The following RBFOX1 variants were observed in gnomAD, a reference collection of about 807,000 sequenced individuals.
RBFOX1 encodes RNA binding protein fox-1 homolog 1.
In RBFOX1, 8 loss-of-function variants were observed where a neutral mutation model predicts 57.7. The observed-to-expected ratio is 0.14, with a 90% CI of 0.08 to 0.25. The LOEUF (loss-of-function observed/expected upper bound fraction) is 0.25, where lower values mean the gene tolerates loss of function less well. Among genes scored for constraint, RBFOX1 ranks in the 10% least tolerant of loss-of-function variants. The pLI, the probability that RBFOX1 is intolerant of heterozygous loss-of-function variation, is 1.00. For missense variants in RBFOX1, 611 were observed against 548.5 expected (o/e 1.11, Z -1.14); for synonymous variants, 326 against 222.4 (o/e 1.47, Z -4.15).
intron 14 of RBFOX1, among the ~76,000 whole-genome samples, chr16:7,697,885 C>A (rs1321282452): frequency 6.6e-6 from 1 of 152,176 alleles, no homozygotes; most frequent in African/African-American, 2.4e-5. Context: ...GATTCTTTAG[C>A]AGTTGTTCCA....
chr16:6,459,518 C>A (rs933100406), intron 2 of RBFOX1, among the ~76,000 whole-genome samples: 6 of 152,126 alleles, frequency 3.9e-5, no homozygotes, highest in Middle Eastern at 3.2e-3. Flanking sequence ...CGCTTTAGAG[C>A]TGATCAGTCA....
chr16:5,362,550 C>T (rs559352912), intron 1 of RBFOX1, among the ~76,000 whole-genome samples: 22 of 152,254 alleles, frequency 1.4e-4, no homozygotes, highest in Non-Finnish European at 1.2e-4. Flanking sequence ...TTAGTAGAGA[C>T]GGGGTTTCTC....
chr16:7,026,230 C>A (rs2040885592), intron 3 of RBFOX1, among the ~76,000 whole-genome samples: 1 of 152,140 alleles, frequency 6.6e-6, no homozygotes, highest in Non-Finnish European at 1.5e-5. Context: ...GGCAAGAGGC[C>A]AACACCCATG....
intron 1 of RBFOX1, among the ~76,000 whole-genome samples, chr16:5,408,337 A>G (rs2066919150): frequency 6.6e-6 from 1 of 152,234 alleles, no homozygotes; most frequent in South Asian, 2.1e-4. Context: ...TTCGTGTTAT[A>G]TGAATCAATA....
At chr16:5,613,872 T>G (rs1241652493) in intron 3 of RBFOX1, among the ~76,000 whole-genome samples, 3 of 152,108 alleles carry the variant, frequency 2.0e-5, no homozygotes, top group Non-Finnish European at 4.4e-5. Flanking sequence ...AAGTCCCTCT[T>G]TCTTCTCTGA....
chr16:7,121,906 G>A (rs917849308), intron 4 of RBFOX1, among the ~76,000 whole-genome samples: 3 of 151,234 alleles, frequency 2.0e-5, no homozygotes, highest in Non-Finnish European at 3.0e-5. Flanking sequence ...CTTAGAAAAG[G>A]TACAAAATCA....
At chr16:7,582,022 C>T (rs1247744632) in intron 6 of RBFOX1, among the ~76,000 whole-genome samples, 1 of 53,790 alleles carries the variant, frequency 1.9e-5, no homozygotes, top group African/African-American at 8.5e-5. Context: ...TGCACCCATC[C>T]AGCACCCCCC....
At chr16:5,663,084 T>C (rs1395631679) in intron 3 of RBFOX1, among the ~76,000 whole-genome samples, 1 of 152,276 alleles carries the variant, frequency 6.6e-6, no homozygotes, top group South Asian at 2.1e-4. Flanking sequence ...GTTGCTGACA[T>C]GTGGTAGGTA....
Position 6,267,244 on chromosome 16 carries a change from A to G in RBFOX1, c.-126-49751A>G, listed in dbSNP as rs994525491. 3.9e-5 allele frequency among the ~76,000 whole-genome samples: 6 copies of G among 152,204 alleles called. No individual in the cohort carries two copies. The East Asian group carries it at 9.6e-4, about 24-fold the overall frequency. ...GTATTTGGAGTATATGGGCAGAAAA[A>G]AAACTGTCAGAGATATTAATTTAAA... On this transcript the variant is annotated intron_variant, in intron 1 of 15. Coordinates refer to ENST00000550418, the MANE Select transcript of RBFOX1 (RefSeq NM_018723.4).
chr16:6,121,154 C>A (rs1378915268), intron 1 of RBFOX1, among the ~76,000 whole-genome samples: 1 of 152,160 alleles, frequency 6.6e-6, no homozygotes, highest in Admixed American at 6.5e-5. Flanking sequence ...CCAGGCACAG[C>A]CCTGCCAACC....
intron 2 of RBFOX1, among the ~76,000 whole-genome samples, chr16:6,581,171 A>C (rs1414915621): frequency 6.6e-6 from 1 of 151,994 alleles, no homozygotes; most frequent in Non-Finnish European, 1.5e-5. Flanking sequence ...TTCCTGCGCC[A>C]CGCCCACCCC....
chr16:5,443,924 A>T (rs2068163410), intron 1 of RBFOX1, among the ~76,000 whole-genome samples: 1 of 152,108 alleles, frequency 6.6e-6, no homozygotes, highest in South Asian at 2.1e-4. Flanking sequence ...TTCCACCTTG[A>T]GGAGCTAAGC....
intron 3 of RBFOX1, among the ~76,000 whole-genome samples, chr16:6,880,919 C>G (rs1369270420): frequency 2.0e-5 from 3 of 152,104 alleles, no homozygotes; most frequent in East Asian, 1.9e-4. Context: ...AGCAGAGTGA[C>G]AAAAAGATGT....
At chr16:5,596,233 A>T (rs1464122354) in intron 2 of RBFOX1, among the ~76,000 whole-genome samples, 1 of 152,180 alleles carries the variant, frequency 6.6e-6, no homozygotes, top group Non-Finnish European at 1.5e-5. Context: ...CTCGAGTGTG[A>T]GTCCTAACTT....
intron 2 of RBFOX1, among the ~76,000 whole-genome samples, chr16:5,578,662 C>T (rs1391730119): frequency 6.6e-6 from 1 of 152,094 alleles, no homozygotes; most frequent in East Asian, 1.9e-4. Context: ...GATCTAAGGC[C>T]TTCAAGGTTC....
chr16:6,991,627 C>G (rs896627145), intron 3 of RBFOX1, among the ~76,000 whole-genome samples: 7 of 152,132 alleles, frequency 4.6e-5, no homozygotes, highest in Non-Finnish European at 8.8e-5. Context: ...ACTTCCACCT[C>G]CCAGGCTCAA....
intron 1 of RBFOX1, among the ~76,000 whole-genome samples, chr16:6,123,833 A>G (rs1468475783): frequency 6.6e-6 from 1 of 152,162 alleles, no homozygotes; most frequent in African/African-American, 2.4e-5. Context: ...TGACCCTGGG[A>G]AGTGGAGGTT....
intron 2 of RBFOX1, among the ~76,000 whole-genome samples, chr16:5,528,422 C>T (rs890738464): frequency 2.0e-5 from 3 of 152,068 alleles, no homozygotes; most frequent in Non-Finnish European, 2.9e-5. Flanking sequence ...TGCTTGGCAC[C>T]GGGGCCACAT....
chr16:6,701,302 G>A (rs1229195094), intron 3 of RBFOX1, among the ~76,000 whole-genome samples: 1 of 152,218 alleles, frequency 6.6e-6, no homozygotes, highest in African/African-American at 2.4e-5. Flanking sequence ...AGCTGTGGCT[G>A]CCTGCTGACG....
Sources: gnomAD v4.1 joint callset for allele counts (sites outside exome capture counted in the v4.1 genomes callset) on GRCh38, gnomAD v4.1.1 for gene constraint, MANE v1.5 for transcripts, NCBI Gene and HGNC (gene_info 2026-07-23, HGNC 2026-07-21) for gene names.